Variants in ZBTB44 observed in about 807,000 individuals in gnomAD.
ZBTB44 encodes the protein zinc finger and BTB domain-containing protein 44.
Under a neutral mutation model 54.0 loss-of-function variants are expected in ZBTB44, and 15 were observed. The observed-to-expected ratio is 0.28, with a 90% CI of 0.19 to 0.43. The LOEUF is 0.43. Ranked by LOEUF, ZBTB44 falls within the 20% of genes least tolerant of loss-of-function variation. The pLI is 1.00. For synonymous variants in ZBTB44, 230 were observed against 250.1 expected (o/e 0.92, Z 0.76); for missense variants, 487 against 707.1 (o/e 0.69, Z 3.53).
chr11:130,301,325 T>A (rs1432541365), intron 1 of ZBTB44, among the ~76,000 whole-genome samples: 2 of 152,118 alleles, frequency 1.3e-5, no homozygotes, highest in African/African-American at 4.8e-5. Flanking sequence ...GAAAAGATGA[T>A]GAAGTAGAAT....
intron 2 of ZBTB44, among the ~76,000 whole-genome samples, chr11:130,250,453 G>A (rs753128663): frequency 1.6e-4 from 25 of 152,210 alleles, no homozygotes; most frequent in Non-Finnish European, 3.7e-4. Context: ...GCCTCCTCAA[G>A]TGGGTCCCTG....
At chr11:130,272,276 A>C (rs571210690) in intron 1 of ZBTB44, among the ~76,000 whole-genome samples, 1 of 152,206 alleles carries the variant, frequency 6.6e-6, no homozygotes, top group East Asian at 1.9e-4. Context: ...CCACATCCTC[A>C]CCAACACTTA....
At chr11:130,286,694 G>T (rs1050329852) in intron 1 of ZBTB44, among the ~76,000 whole-genome samples, 1 of 152,190 alleles carries the variant, frequency 6.6e-6, no homozygotes, top group African/African-American at 2.4e-5. Flanking sequence ...AATTATCAAT[G>T]AATATATTAA....
chr11:130,230,840 G>A lies in ZBTB44; in HGVS notation c.*924C>T, dbSNP rs1020103897. 1 of 151,940 alleles carries A rather than the reference G, an allele frequency of 6.6e-6. No homozygotes were observed. The highest frequency in any genetic ancestry group is 1.5e-5 in the Non-Finnish European group (1 of 67,940). 9.4% of individuals were successfully genotyped at this position (151,940 alleles called of 1,614,324 possible). ...TTAAACACGAAAAGAACAACTGCAG[G>A]AGCTTTAACATCCATTATCATGGGT... On this transcript the variant is annotated 3_prime_UTR_variant, in exon 8 of 8. Transcript: ENST00000357899.
chr11:130,287,998 G>T (rs1941071468), intron 1 of ZBTB44, among the ~76,000 whole-genome samples: 1 of 151,396 alleles, frequency 6.6e-6, no homozygotes, highest in African/African-American at 2.4e-5. Context: ...AAAGGCAAGA[G>T]TAGCACTGAT....
At chr11:130,253,933 T>A (rs1170849990) in intron 2 of ZBTB44, among the ~76,000 whole-genome samples, 1 of 152,182 alleles carries the variant, frequency 6.6e-6, no homozygotes, top group Non-Finnish European at 1.5e-5. Flanking sequence ...AACCATCTGA[T>A]CTTTGACAAA....
At chr11:130,262,499 A>G (rs1381649082) in intron 1 of ZBTB44, among the ~76,000 whole-genome samples, 1 of 152,210 alleles carries the variant, frequency 6.6e-6, no homozygotes, top group Non-Finnish European at 1.5e-5. Context: ...TGACAATTAT[A>G]GAGTGTCTTC....
Position 130,230,406 on chromosome 11 carries a change from GA to G in ZBTB44, c.*1357del, listed in dbSNP as rs1953832198. On this transcript the variant is annotated 3_prime_UTR_variant, in exon 8 of 8. Coordinates refer to ENST00000357899, the MANE Select transcript of ZBTB44 (RefSeq NM_001301098.2). ...TTCATTTGGCAAAGTATTTTAACAA[GA>G]TGAAAGTTTTTTTTTTTTTTTTTTT... 1.6e-5 allele frequency: 2 copies of G among 126,874 alleles called. No individual in the cohort carries two copies. Among genetic ancestry groups the G allele is most frequent in the Non-Finnish European group, 3.2e-5 (2 of 61,956 alleles). 7.9% of individuals were successfully genotyped at this position (126,874 alleles called of 1,614,324 possible).
intron 1 of ZBTB44, among the ~76,000 whole-genome samples, chr11:130,265,333 TC>T (rs1265776272): frequency 1.3e-5 from 2 of 152,108 alleles, no homozygotes; most frequent in Non-Finnish European, 2.9e-5. Context: ...TTCAAGCAAT[TC>T]TCCTTTCAGC....
chr11:130,288,243 G>A (rs571633566), intron 1 of ZBTB44, among the ~76,000 whole-genome samples: 18 of 151,822 alleles, frequency 1.2e-4, no homozygotes, highest in Non-Finnish European at 2.2e-4. Context: ...GTGTGGTGGC[G>A]CACACCTGTA....
chr11:130,284,296 T>G (rs1235096883), intron 1 of ZBTB44, among the ~76,000 whole-genome samples: 2 of 152,224 alleles, frequency 1.3e-5, no homozygotes, highest in Admixed American at 6.5e-5. Context: ...CACTTTGCAG[T>G]CATCCTCCTC....
At chr11:130,249,548 G>T (rs951688425) in intron 2 of ZBTB44, among the ~76,000 whole-genome samples, 15 of 152,278 alleles carry the variant, frequency 9.9e-5, no homozygotes, top group African/African-American at 3.4e-4. Context: ...GCAGCTCCCA[G>T]TGAGACCAAC....
chr11:130,266,594 A>G (rs888845983), intron 1 of ZBTB44, among the ~76,000 whole-genome samples: 53 of 152,232 alleles, frequency 3.5e-4, no homozygotes, highest in African/African-American at 1.3e-3. Flanking sequence ...ACTGTTTGAC[A>G]TTCATGGGAG....
At chr11:130,291,804 T>A (rs1941312736) in intron 1 of ZBTB44, among the ~76,000 whole-genome samples, 1 of 152,354 alleles carries the variant, frequency 6.6e-6, no homozygotes, top group South Asian at 2.1e-4. Context: ...ACTTTATGAA[T>A]GCTTTCCTGA....
chr11:130,271,178 CTATT>C (rs1185298636), intron 1 of ZBTB44, among the ~76,000 whole-genome samples: 3 of 152,108 alleles, frequency 2.0e-5, no homozygotes, highest in Non-Finnish European at 2.9e-5. Flanking sequence ...ATGCCTATAT[CTATT>C]CATTATAAAT....
At chr11:130,301,487 A>C (rs1257425807) in intron 1 of ZBTB44, among the ~76,000 whole-genome samples, 1 of 152,060 alleles carries the variant, frequency 6.6e-6, no homozygotes, top group Non-Finnish European at 1.5e-5. Flanking sequence ...GATCACGTAG[A>C]TGCGGGCATC....
intron 1 of ZBTB44, among the ~76,000 whole-genome samples, chr11:130,281,017 A>G (rs1940459976): frequency 6.6e-6 from 1 of 152,184 alleles, no homozygotes; most frequent in Non-Finnish European, 1.5e-5. Context: ...AAGTTCTCTC[A>G]TTAACACAAC....
intron 1 of ZBTB44, among the ~76,000 whole-genome samples, chr11:130,305,404 C>A (rs1942212256): frequency 6.6e-6 from 1 of 152,134 alleles, no homozygotes. Flanking sequence ...GGTATAAAAA[C>A]AGGCATGTAG....
intron 1 of ZBTB44, among the ~76,000 whole-genome samples, chr11:130,297,866 T>G (rs1264295875): frequency 6.6e-6 from 1 of 152,208 alleles, no homozygotes; most frequent in Non-Finnish European, 1.5e-5. Flanking sequence ...AACTAAATGT[T>G]TTGACTAAAA....
Sources: gnomAD v4.1 joint callset for allele counts (sites outside exome capture counted in the v4.1 genomes callset) on GRCh38, gnomAD v4.1.1 for gene constraint, MANE v1.5 for transcripts, NCBI Gene and HGNC (gene_info 2026-07-23, HGNC 2026-07-21) for gene names.